ATF6: variants seen among roughly 807,000 people sequenced by gnomAD.
ATF6 encodes the protein activating transcription factor 6, also known as cyclic AMP-dependent transcription factor ATF-6 alpha.
A neutral mutation model predicts 83.6 loss-of-function variants in ATF6; 53 were observed. The observed-to-expected ratio is 0.63, with a 90% CI of 0.51 to 0.80. The LOEUF (loss-of-function observed/expected upper bound fraction) is 0.80. ATF6 is among the 30% of genes least tolerant of loss of function. The pLI is 0.00. For missense variants in ATF6, 744 were observed against 797.9 expected, an observed-to-expected ratio of 0.93 and a Z score of 0.81; for synonymous variants, 288 against 285.8, an observed-to-expected ratio of 1.01 and a Z score of -0.08.
At chr1:161,856,388 G>C (rs1686760988) in intron 12 of ATF6, among the ~76,000 whole-genome samples, 1 of 152,194 alleles carries the variant, frequency 6.6e-6, no homozygotes, top group African/African-American at 2.4e-5. Context: ...TCCCAAAGCT[G>C]CTTATTGGCA....
At chr1:161,854,598 G>A (rs1298264185) in intron 12 of ATF6, among the ~76,000 whole-genome samples, 9 of 152,184 alleles carry the variant, frequency 5.9e-5, no homozygotes, top group East Asian at 3.9e-4. Flanking sequence ...GAGGCTGGGC[G>A]TGGTGGCTCA....
chr1:161,837,986 C>T lies in ATF6; in HGVS notation c.1188-8463C>T, dbSNP rs375975455. 3.9e-5 allele frequency among the ~76,000 whole-genome samples: 6 copies of T among 152,262 alleles called. 1 individual carries two copies. Among genetic ancestry groups the T allele is most frequent in the African/African-American group, 1.2e-4 (5 of 41,538 alleles). On this transcript the variant is annotated intron_variant, in intron 9 of 15. Coordinates refer to ENST00000367942, the MANE Select transcript of ATF6 (RefSeq NM_007348.4). ...GGCAGAGATCAGAATCACAATCTGC[C>T]TCTGGAGCCTTGGCTTAATCACTGA...
At chr1:161,943,508 G>C (rs889072974) in intron 15 of ATF6, among the ~76,000 whole-genome samples, 1 of 152,120 alleles carries the variant, frequency 6.6e-6, no homozygotes, top group African/African-American at 2.4e-5. Context: ...TAAGGAGAGT[G>C]GTCCGCTGGT....
chr1:161,779,557 A>G (rs1230173564), intron 2 of ATF6, among the ~76,000 whole-genome samples: 1 of 152,136 alleles, frequency 6.6e-6, no homozygotes, highest in African/African-American at 2.4e-5. Flanking sequence ...TAAATTTCTG[A>G]TGTGATAAAA....
At chr1:161,853,468 A>G (rs1686688069) in intron 12 of ATF6, 145 bp downstream of exon 12, 2 of 676,754 alleles carry the variant, frequency 3.0e-6, no homozygotes, top group East Asian at 2.7e-5. Flanking sequence ...TGCAGCTATC[A>G]TTGCCACTGA....
chr1:161,863,368 G>A, intron 14 of ATF6, 56 bp downstream of exon 14: 1 of 1,114,618 alleles, frequency 9.0e-7, no homozygotes, highest in East Asian at 2.4e-5. Flanking sequence ...CCGTACACAA[G>A]ACATTGGGCT....
rs1689114101 is a variant in ATF6 at position 161,962,190 on chromosome 1, T to A, written c.*3536T>A. 1 of 152,186 alleles carries A rather than the reference T, an allele frequency of 6.6e-6. No homozygotes were observed. The highest frequency in any genetic ancestry group is 2.4e-5 in the African/African-American group (1 of 41,438). The allele number at this position is 152,186 out of a possible 1,614,324, so 9.4% of individuals were successfully genotyped here. On this transcript the variant is annotated 3_prime_UTR_variant, in exon 16 of 16. Transcript: ENST00000367942. ...GCATTTCTTTGCCATTTCTTGCCAG[T>A]AAGAAGTTGACACGGAGGTATTTGA...
In ATF6 at chr1:161,819,756, A is replaced by G. The variant is rs1420546764; in HGVS notation, c.1033A>G (p.Asn345Asp). Residue 345 changes from asparagine (N) to aspartate (D), a missense_variant, in exon 8 of 16, where the codon AAC (asparagine) becomes GAC (aspartate). Asn to Asp is a conservative substitution (Grantham distance 23, BLOSUM62 1). Coordinates refer to ENST00000367942, the MANE Select transcript of ATF6 (RefSeq NM_007348.4). ...GAGATTAAAGGCTGCCCTCTCAGAA[A>G]ACGAGCAACTGAAGAAAGAAAATGG... is the stretch of plus-strand genomic sequence containing the variant. ...EARLKAALSE[N>D]EQLKKENGTL... The G allele has an allele frequency of 2.5e-6, 4 of 1,612,754 alleles. No homozygotes were observed. The highest frequency in any genetic ancestry group is 2.7e-5 in the African/African-American group (2 of 74,802).
At chr1:161,858,508 A>C (rs570391648) in intron 12 of ATF6, among the ~76,000 whole-genome samples, 2 of 152,352 alleles carry the variant, frequency 1.3e-5, no homozygotes, top group Admixed American at 1.3e-4. Context: ...ACTTCCAAAC[A>C]AAGATTATTC....
intron 15 of ATF6, among the ~76,000 whole-genome samples, chr1:161,912,714 T>C (rs1278049694): frequency 6.6e-6 from 1 of 152,178 alleles, no homozygotes; most frequent in Non-Finnish European, 1.5e-5. Flanking sequence ...ATTTGTAAAT[T>C]AGATTTTTGG....
chr1:161,925,378 C>T (rs1688292391), intron 15 of ATF6, among the ~76,000 whole-genome samples: 1 of 152,062 alleles, frequency 6.6e-6, no homozygotes. Flanking sequence ...ATGTTACTAC[C>T]AAGCTTTTTA....
At chr1:161,871,685 G>C (rs1687127063) in intron 14 of ATF6, among the ~76,000 whole-genome samples, 1 of 151,572 alleles carries the variant, frequency 6.6e-6, no homozygotes, top group African/African-American at 2.4e-5. Flanking sequence ...CTAGGAACCT[G>C]CATTCTAGCC....
chr1:161,920,984 G>A (rs1688203090), intron 15 of ATF6, among the ~76,000 whole-genome samples: 1 of 151,652 alleles, frequency 6.6e-6, no homozygotes, highest in African/African-American at 2.4e-5. Flanking sequence ...TCCACCCTCG[G>A]CCTCCCAAGG....
intron 15 of ATF6, among the ~76,000 whole-genome samples, chr1:161,919,500 T>A (rs1239235000): frequency 6.6e-6 from 1 of 152,228 alleles, no homozygotes; most frequent in Non-Finnish European, 1.5e-5. Flanking sequence ...AGGGGGTTTT[T>A]AATTTGATTT....
chr1:161,789,228 AAAT>A (rs1684822452), intron 4 of ATF6, among the ~76,000 whole-genome samples: 1 of 148,552 alleles, frequency 6.7e-6, no homozygotes, highest in South Asian at 2.1e-4. Flanking sequence ...CTGTGCTATT[AAAT>A]AATATGTCTT....
intron 12 of ATF6, among the ~76,000 whole-genome samples, chr1:161,857,903 CA>C (rs2101833351): frequency 6.6e-6 from 1 of 152,184 alleles, no homozygotes; most frequent in Admixed American, 6.5e-5. Context: ...TAACTGATAT[CA>C]AAGTATAATC....
chr1:161,798,723 C>A (rs146664230), intron 6 of ATF6, among the ~76,000 whole-genome samples: 4 of 152,248 alleles, frequency 2.6e-5, no homozygotes, highest in African/African-American at 7.2e-5. Flanking sequence ...CAACAAAGGT[C>A]TAATCTCCAG....
chr1:161,785,844 C>G (rs920119914), intron 4 of ATF6, among the ~76,000 whole-genome samples: 3 of 152,134 alleles, frequency 2.0e-5, no homozygotes, highest in Non-Finnish European at 4.4e-5. Flanking sequence ...CATCATCACT[C>G]CACAATAGGT....
intron 14 of ATF6, among the ~76,000 whole-genome samples, chr1:161,907,425 G>A (rs1687897429): frequency 6.6e-6 from 1 of 152,098 alleles, no homozygotes; most frequent in African/African-American, 2.4e-5. Flanking sequence ...AGTGGATATG[G>A]GCCAAATATA....
Sources: gnomAD v4.1 joint callset for allele counts (sites outside exome capture counted in the v4.1 genomes callset) on GRCh38, gnomAD v4.1.1 for gene constraint, MANE v1.5 for transcripts, NCBI Gene and HGNC (gene_info 2026-07-23, HGNC 2026-07-21) for gene names.